COL11A1: variants seen among roughly 807,000 people sequenced by gnomAD.
COL11A1 encodes the protein collagen type XI alpha 1 chain, also known as collagen alpha-1(XI) chain.
COL11A1 carries 74 observed loss-of-function variants against 265.2 expected under a neutral mutation model. The ratio of observed to expected loss-of-function variants is 0.28; its 90% CI spans 0.23 to 0.34. The LOEUF (loss-of-function observed/expected upper bound fraction) is 0.34. COL11A1 is among the 10% of genes least tolerant of loss of function. COL11A1 has a pLI of 1.00. For synonymous variants in COL11A1, 816 were observed against 727.6 expected (o/e 1.12, Z -1.96); for missense variants, 2,165 against 2,263.6 (o/e 0.96, Z 0.88).
At chr1:103,007,799 G>T (rs1013362644) in intron 15 of COL11A1, among the ~76,000 whole-genome samples, 5 of 147,814 alleles carry the variant, frequency 3.4e-5, no homozygotes, top group African/African-American at 1.3e-4. Flanking sequence ...GGCAGAGGTT[G>T]CAGTGAGCCA....
intron 1 of COL11A1, among the ~76,000 whole-genome samples, chr1:103,097,321 G>T (rs1673858534): frequency 6.6e-6 from 1 of 151,864 alleles, no homozygotes; most frequent in African/African-American, 2.4e-5. Context: ...TTCTTCTCCA[G>T]ACATACTGCC....
chr1:102,988,472 G>T (rs1007546683), intron 29 of COL11A1, among the ~76,000 whole-genome samples: 1 of 152,126 alleles, frequency 6.6e-6, no homozygotes, highest in African/African-American at 2.4e-5. Flanking sequence ...CCCTGTCTGG[G>T]CAGCAGGCAA....
Position 103,026,232 on chromosome 1 carries a change from G to T in COL11A1, c.881C>A (p.Thr294Lys). Residue 294 changes from threonine (T) to lysine (K), a missense_variant, in exon 6 of 67, where the codon ACA becomes AAA. Thr to Lys is a moderately conservative substitution (Grantham distance 78). Coordinates refer to ENST00000370096, the MANE Select transcript of COL11A1 (RefSeq NM_001854.4). ...TGTTTTTACCTCCGTCTGTGCTATT[G>T]TCTCCTCAGTTACAGTGGGTCCCTC... ...VTEGPTVTEE[T>K]IAQTEANIVD... 1 of 1,611,954 alleles carries T rather than the reference G, an allele frequency of 6.2e-7. No homozygotes were observed. Among genetic ancestry groups the T allele is most frequent in the Non-Finnish European group, 8.5e-7 (1 of 1,178,124 alleles).
chr1:102,942,471 T>C (rs1042624876), intron 42 of COL11A1, among the ~76,000 whole-genome samples: 44 of 152,304 alleles, frequency 2.9e-4, no homozygotes, highest in African/African-American at 9.9e-4. Context: ...TCCTCCATTA[T>C]GTATCTCTTG....
At chr1:103,062,695 C>T (rs1052173916) in intron 4 of COL11A1, among the ~76,000 whole-genome samples, 3 of 151,908 alleles carry the variant, frequency 2.0e-5, no homozygotes, top group South Asian at 2.1e-4. Context: ...AGAAAGAAGG[C>T]AAGGATGTCC....
intron 14 of COL11A1, among the ~76,000 whole-genome samples, chr1:103,009,997 C>T (rs1665964817): frequency 6.6e-6 from 1 of 152,104 alleles, no homozygotes; most frequent in Non-Finnish European, 1.5e-5. Context: ...ATTACATTCT[C>T]TGTATATAAG....
At chr1:102,945,744 G>C (rs1307343340) in intron 42 of COL11A1, among the ~76,000 whole-genome samples, 1 of 151,340 alleles carries the variant, frequency 6.6e-6, no homozygotes, top group African/African-American at 2.4e-5. Context: ...TCAAAAGCAG[G>C]AAAAAAAATA....
intron 46 of COL11A1, among the ~76,000 whole-genome samples, chr1:102,933,982 C>T (rs1308746862): frequency 6.6e-6 from 1 of 152,190 alleles, no homozygotes; most frequent in Non-Finnish European, 1.5e-5. Context: ...GACCTGCGCC[C>T]ACTGTCTGGC....
chr1:103,036,460 G>A (rs1668382369), intron 4 of COL11A1, among the ~76,000 whole-genome samples: 1 of 148,958 alleles, frequency 6.7e-6, no homozygotes, highest in Non-Finnish European at 1.5e-5. Flanking sequence ...AAATAATGCT[G>A]GTTTAAGTAG....
At chr1:103,021,040 C>T (rs1373062669) in intron 9 of COL11A1, among the ~76,000 whole-genome samples, 1 of 146,968 alleles carries the variant, frequency 6.8e-6, no homozygotes, top group Non-Finnish European at 1.5e-5. Context: ...ATTTTTATGT[C>T]CTTACAATTT....
At chr1:102,940,565 A>G in intron 42 of COL11A1, 131 bp from the exon 43 acceptor site, 6 of 690,968 alleles carry the variant, frequency 8.7e-6, no homozygotes, top group Non-Finnish European at 1.5e-5. Context: ...AGAATAAATG[A>G]TACATGTTCC....
intron 1 of COL11A1, among the ~76,000 whole-genome samples, chr1:103,092,451 C>T (rs189427370): frequency 6.6e-6 from 1 of 152,164 alleles, no homozygotes; most frequent in East Asian, 1.9e-4. Flanking sequence ...CAAAATTTGT[C>T]AAATCTTATG....
intron 4 of COL11A1, among the ~76,000 whole-genome samples, chr1:103,060,730 G>A (rs1186434429): frequency 6.6e-6 from 1 of 152,126 alleles, no homozygotes; most frequent in African/African-American, 2.4e-5. Flanking sequence ...GGGAGGCCAA[G>A]GCTGGTGGAT....
At chr1:103,067,994 C>T (rs926445160) in intron 4 of COL11A1, among the ~76,000 whole-genome samples, 3 of 151,638 alleles carry the variant, frequency 2.0e-5, no homozygotes, top group Admixed American at 2.0e-4. Context: ...GAAATTTTCA[C>T]TGGTTAATTC....
intron 57 of COL11A1, 55 bp downstream of exon 57, chr1:102,898,070 A>G: frequency 8.6e-7 from 1 of 1,163,548 alleles, no homozygotes; most frequent in Non-Finnish European, 1.2e-6. Flanking sequence ...TAGCTAATAA[A>G]CAATTTTGTT....
At chr1:102,908,199 T>C (rs1287825900) in intron 54 of COL11A1, among the ~76,000 whole-genome samples, 1 of 152,114 alleles carries the variant, frequency 6.6e-6, no homozygotes, top group African/African-American at 2.4e-5. Context: ...TGTCAAATAC[T>C]TTTTCATGCC....
chr1:102,939,877 C>T (rs1461526914), intron 43 of COL11A1, among the ~76,000 whole-genome samples: 4 of 151,916 alleles, frequency 2.6e-5, no homozygotes, highest in African/African-American at 9.7e-5. Flanking sequence ...CACAGCCATA[C>T]ATTTGGAATT....
chr1:103,049,830 A>G (rs569311775), intron 4 of COL11A1, among the ~76,000 whole-genome samples: 1 of 152,262 alleles, frequency 6.6e-6, no homozygotes, highest in East Asian at 1.9e-4. Context: ...GCTTGTCTGT[A>G]AAGTATTTTA....
rs201219986 is a variant in COL11A1, at chr1:102,979,368, T to C, written c.2610+14A>G. On this transcript the variant is annotated intron_variant, in intron 32 of 66. Coordinates refer to ENST00000370096, the MANE Select transcript of COL11A1 (RefSeq NM_001854.4). The stretch of plus-strand genomic sequence containing the variant: ...ACTTATATACATAGTTCAAAACATA[T>C]TTATATATCATACCCGTGCACCTTT... 3.8e-6 allele frequency: 6 copies of C among 1,596,298 alleles called. No homozygotes were observed. In the African/African-American group the frequency reaches 4.0e-5, roughly 11 times the overall value.
Sources: gnomAD v4.1 joint callset for allele counts (sites outside exome capture counted in the v4.1 genomes callset) on GRCh38, gnomAD v4.1.1 for gene constraint, MANE v1.5 for transcripts, NCBI Gene and HGNC (gene_info 2026-07-23, HGNC 2026-07-21) for gene names.